Variants in CNTN6 observed in about 807,000 individuals in gnomAD.
The protein encoded by CNTN6 is contactin-6.
In CNTN6, 137 loss-of-function variants were observed where a neutral mutation model predicts 122.8. That is an observed-to-expected ratio of 1.12 (90% CI 0.97 to 1.29). The LOEUF is 1.29. CNTN6 is among the 50% of genes most tolerant of loss of function. The pLI is 0.00. For missense variants in CNTN6, 1,634 were observed against 1,223.4 expected, an observed-to-expected ratio of 1.34 and a Z score of -5.01; for synonymous variants, 570 against 426.0, an observed-to-expected ratio of 1.34 and a Z score of -4.16.
At chr3:1,144,986 G>A (rs748578978) in intron 1 of CNTN6, among the ~76,000 whole-genome samples, 1 of 152,140 alleles carries the variant, frequency 6.6e-6, no homozygotes, top group African/African-American at 2.4e-5. Flanking sequence ...TCTAGCCCAA[G>A]GAAGTAGGGG....
intron 2 of CNTN6, among the ~76,000 whole-genome samples, chr3:1,165,464 C>T (rs1161972837): frequency 5.9e-5 from 9 of 152,136 alleles, no homozygotes; most frequent in Non-Finnish European, 1.2e-4. Context: ...TTCTTCTCAA[C>T]CTTGTATTGA....
rs1243074571 is a variant in CNTN6, at chr3:1,222,380, G to C, written c.182+1567G>C. Among the ~76,000 whole-genome samples the C allele has an allele frequency of 3.3e-5, 5 of 152,106 alleles. 1 individual carries two copies. The highest frequency in any genetic ancestry group is 7.4e-5 in the Non-Finnish European group (5 of 68,014). ...AATTTTATGTTTGAGAGCTAACTAG[G>C]TTGATCCTAGGGGTTAGTAGAGAAA... is the stretch of plus-strand genomic sequence containing the variant. On this transcript the variant is annotated intron_variant, in intron 3 of 22. Transcript: ENST00000446702.
At chr3:1,240,529 A>C (rs2094469365) in intron 4 of CNTN6, among the ~76,000 whole-genome samples, 1 of 152,066 alleles carries the variant, frequency 6.6e-6, no homozygotes, top group South Asian at 2.1e-4. Context: ...AATAATAGAC[A>C]TTGGCATGGA....
chr3:1,363,324 A>C (rs548981862), intron 12 of CNTN6, among the ~76,000 whole-genome samples: 40 of 152,064 alleles, frequency 2.6e-4, no homozygotes, highest in African/African-American at 8.9e-4. Context: ...ATATATATAC[A>C]CAGATAACTG....
intron 11 of CNTN6, among the ~76,000 whole-genome samples, chr3:1,348,092 G>T (rs912624421): frequency 7.4e-6 from 1 of 134,458 alleles, no homozygotes; most frequent in African/African-American, 2.9e-5. Context: ...CATTTTGAAC[G>T]ATTTATATCA....
chr3:1,269,249 C>G (rs978286000), intron 4 of CNTN6, among the ~76,000 whole-genome samples: 4 of 152,136 alleles, frequency 2.6e-5, no homozygotes, highest in African/African-American at 9.7e-5. Flanking sequence ...CATGCACGGC[C>G]AAGCTAGCAT....
chr3:1,183,043 T>C (rs2093580176), intron 2 of CNTN6, among the ~76,000 whole-genome samples: 1 of 152,168 alleles, frequency 6.6e-6, no homozygotes, highest in African/African-American at 2.4e-5. Flanking sequence ...CATGGCCTCT[T>C]TTCTTCTTAT....
At chr3:1,253,981 A>G (rs1268546632) in intron 4 of CNTN6, among the ~76,000 whole-genome samples, 2 of 152,188 alleles carry the variant, frequency 1.3e-5, no homozygotes, top group African/African-American at 2.4e-5. Context: ...GCGCACACAC[A>G]TAAATTTATA....
chr3:1,250,657 C>A (rs2094650488), intron 4 of CNTN6, among the ~76,000 whole-genome samples: 1 of 152,156 alleles, frequency 6.6e-6, no homozygotes, highest in Admixed American at 6.5e-5. Flanking sequence ...GTTCCCGTAT[C>A]TGAACCCACT....
intron 2 of CNTN6, among the ~76,000 whole-genome samples, chr3:1,185,664 G>T (rs1421099563): frequency 6.6e-6 from 1 of 152,184 alleles, no homozygotes; most frequent in East Asian, 1.9e-4. Context: ...TTATGTGTTA[G>T]AAAAGCTACA....
intron 20 of CNTN6, among the ~76,000 whole-genome samples, chr3:1,387,296 G>GAGTT (rs1576018716): frequency 2.6e-5 from 4 of 152,178 alleles, no homozygotes; most frequent in Non-Finnish European, 5.9e-5. Flanking sequence ...GCTGGGCTGT[G>GAGTT]AGTTATTTTC....
At position 1,278,494 on chromosome 3, in the gene CNTN6, C is replaced by A; in HGVS notation, c.440C>A (p.Pro147Gln). 1.2e-6 allele frequency: 2 copies of A among 1,610,848 alleles called. No homozygotes were observed. The highest frequency in any genetic ancestry group is 1.7e-6 in the Non-Finnish European group (2 of 1,177,798). ...GQGVVLLCGP[P>Q]PHFGDLSYAW... ...GGTGTGGTGCTTCTCTGTGGCCCAC[C>A]GCCACATTTTGGAGGTATGATGGGG... Residue 147 changes from proline to glutamine, a missense_variant, in exon 5 of 23, where the codon CCG becomes CAG. By Grantham distance (76) the Pro-to-Gln change is moderately conservative (BLOSUM62 -1). Coordinates refer to ENST00000446702, the MANE Select transcript of CNTN6 (RefSeq NM_001289080.2).
intron 3 of CNTN6, among the ~76,000 whole-genome samples, chr3:1,223,948 T>C (rs74490620): frequency 0.039 from 5,931 of 152,246 alleles, 337 homozygotes; most frequent in African/African-American, 0.13. Flanking sequence ...ATCGTATAAT[T>C]TGTGAAATGA....
Position 1,372,881 on chromosome 3 carries a change from A to T in CNTN6, c.1712A>T (p.His571Leu). Residue 571 changes from histidine to leucine, a missense_variant, in exon 14 of 23, where the codon CAT becomes CTT. Coordinates refer to ENST00000446702, the MANE Select transcript of CNTN6 (RefSeq NM_001289080.2). Reference sequence around the variant, plus strand: ...ATGATAAGGAATATTCAGTTACATCATTCAGGAAAATATCTCTGCACAGTA... The same window carrying T: ...ATGATAAGGAATATTCAGTTACATCTTTCAGGAAAATATCTCTGCACAGTA... Reference protein sequence around the residue: ...DLMIRNIQLHHSGKYLCTVQT... With the variant: ...DLMIRNIQLHLSGKYLCTVQT... The T allele has an allele frequency of 6.2e-7, 1 of 1,610,500 alleles. No homozygotes were observed. The highest frequency in any genetic ancestry group is 8.5e-7 in the Non-Finnish European group (1 of 1,177,800).
At chr3:1,205,703 A>T (rs1487724096) in intron 2 of CNTN6, among the ~76,000 whole-genome samples, 1 of 152,230 alleles carries the variant, frequency 6.6e-6, no homozygotes, top group East Asian at 1.9e-4. Flanking sequence ...GATTTTCTTT[A>T]ACTCACTGAT....
rs534609436 is a variant in CNTN6, at chr3:1,122,760, G to A, written c.-82-25167G>A. Among the ~76,000 whole-genome samples, 85 of 151,876 alleles carry A rather than the reference G, an allele frequency of 5.6e-4. 1 individual carries two copies. Among genetic ancestry groups the A allele is most frequent in the South Asian group, 1.2e-3 (6 of 4,822 alleles). On this transcript the variant is annotated intron_variant, in intron 1 of 22. Transcript: ENST00000446702. ...TATAATATTTTCAAGGTTTATCTAC[G>A]TTTCGGCGTGTGTCAGAACCTCATT...
At chr3:1,241,005 A>G (rs936652308) in intron 4 of CNTN6, among the ~76,000 whole-genome samples, 2 of 152,076 alleles carry the variant, frequency 1.3e-5, no homozygotes, top group Admixed American at 6.5e-5. Context: ...GAGAATTACA[A>G]AGAACCTTCT....
At chr3:1,188,552 A>T (rs969365837) in intron 2 of CNTN6, among the ~76,000 whole-genome samples, 1 of 152,218 alleles carries the variant, frequency 6.6e-6, no homozygotes, top group African/African-American at 2.4e-5. Flanking sequence ...GTCTCCATGG[A>T]CTGGAATTTG....
At chr3:1,094,650 G>A (rs1391125586) in intron 1 of CNTN6, among the ~76,000 whole-genome samples, 1 of 151,496 alleles carries the variant, frequency 6.6e-6, no homozygotes, top group Non-Finnish European at 1.5e-5. Context: ...AAATTCACTT[G>A]TTTACTTAGA....
Sources: gnomAD v4.1 joint callset for allele counts (sites outside exome capture counted in the v4.1 genomes callset) on GRCh38, gnomAD v4.1.1 for gene constraint, MANE v1.5 for transcripts, NCBI Gene and HGNC (gene_info 2026-07-23, HGNC 2026-07-21) for gene names.